The following RBFOX3 variants were observed in gnomAD, a reference collection of about 807,000 sequenced individuals.
RBFOX3 encodes the protein RNA binding fox-1 homolog 3, also known as RNA binding protein fox-1 homolog 3.
RBFOX3 carries 17 observed loss-of-function variants against 48.7 expected under a neutral mutation model. The ratio of observed to expected loss-of-function variants is 0.35; its 90% confidence interval spans 0.24 to 0.52. The LOEUF is 0.52. RBFOX3 is among the 20% of genes least tolerant of loss of function. The probability of loss-of-function intolerance (pLI) is 0.94; values close to 1 mark genes in which losing one functional copy is unlikely to be tolerated. For missense variants in RBFOX3, 382 were observed against 497.5 expected (o/e 0.77, Z 2.21); for synonymous variants, 212 against 209.5 (o/e 1.01, Z -0.10).
At chr17:79,610,642 C>A (rs2093951745) in intron 1 of RBFOX3, among the ~76,000 whole-genome samples, 184 bp downstream of exon 1, 1 of 151,990 alleles carries the variant, frequency 6.6e-6, no homozygotes, top group Admixed American at 6.5e-5. Context: ...CGCGCAGGGA[C>A]CCCTGACCCC....
chr17:79,187,872 C>T (rs191547408), intron 4 of RBFOX3, among the ~76,000 whole-genome samples: 181 of 151,848 alleles, frequency 1.2e-3, no homozygotes, highest in African/African-American at 4.1e-3. Context: ...GGTCAGGCTG[C>T]GGATGGGAAA....
Position 79,252,157 on chromosome 17 carries a change from G to T in RBFOX3, c.-73-16352C>A, listed in dbSNP as rs1168493260. 6.6e-6 allele frequency among the ~76,000 whole-genome samples: 1 copy of T among 152,140 alleles called. No individual in the cohort carries two copies. Among genetic ancestry groups the T allele is most frequent in the African/African-American group, 2.4e-5 (1 of 41,428 alleles). ...CCTTCCTCCTGCCTTTGCCTAGTGG[G>T]TAACTGGGCATTGCAGGGCCCCTTC... On this transcript the variant is annotated intron_variant, in intron 3 of 14. Coordinates refer to ENST00000693108, the MANE Select transcript of RBFOX3 (RefSeq NM_001350451.2). This position sits in a 1 kb window ranked among gnomAD's most constrained non-coding sequence, Gnocchi z 4.0.
intron 1 of RBFOX3, among the ~76,000 whole-genome samples, chr17:79,517,444 C>CAAAAAAAA (rs1231600861): frequency 1.1e-5 from 1 of 94,968 alleles, no homozygotes; most frequent in Non-Finnish European, 2.1e-5. Context: ...GAGTCTGTCT[C>CAAAAAAAA]AAAAAAAAAA....
At chr17:79,170,273 C>G (rs1190571753) in intron 4 of RBFOX3, among the ~76,000 whole-genome samples, 2 of 152,098 alleles carry the variant, frequency 1.3e-5, no homozygotes, top group African/African-American at 2.4e-5. Flanking sequence ...GTCCAGCTTC[C>G]AGGAGGGCCA....
chr17:79,468,968 A>G (rs2076703696), intron 2 of RBFOX3, among the ~76,000 whole-genome samples: 1 of 150,974 alleles, frequency 6.6e-6, no homozygotes. Context: ...GGATGGATGG[A>G]TGGATGGATG....
chr17:79,228,030 A>T (rs540218529), intron 4 of RBFOX3, among the ~76,000 whole-genome samples: 1 of 152,238 alleles, frequency 6.6e-6, no homozygotes, highest in South Asian at 2.1e-4. Flanking sequence ...GGTCAGAAGG[A>T]CCCAGGTGTG....
intron 1 of RBFOX3, among the ~76,000 whole-genome samples, chr17:79,607,718 G>T (rs2093866400): frequency 6.6e-6 from 1 of 152,206 alleles, no homozygotes; most frequent in African/African-American, 2.4e-5. Context: ...GGCGCCTTAG[G>T]CCAGGGCTGA....
chr17:79,159,923 T>C (rs2046621623), intron 4 of RBFOX3, among the ~76,000 whole-genome samples: 1 of 152,024 alleles, frequency 6.6e-6, no homozygotes, highest in African/African-American at 2.4e-5. Context: ...GTCCGCCGAG[T>C]GTTCCAGCGT....
chr17:79,191,399 C>CGCAAG (rs1303306684), intron 4 of RBFOX3, among the ~76,000 whole-genome samples: 1 of 152,214 alleles, frequency 6.6e-6, no homozygotes, highest in Non-Finnish European at 1.5e-5. Flanking sequence ...AAAAAGCAAC[C>CGCAAG]GCAAGGCCTC....
chr17:79,427,378 C>T (rs574191967), intron 2 of RBFOX3, among the ~76,000 whole-genome samples: 2 of 152,198 alleles, frequency 1.3e-5, no homozygotes, highest in Non-Finnish European at 1.5e-5. Flanking sequence ...GTTGGGCTGG[C>T]GGGAAGCACC....
rs1245249402 is a variant in RBFOX3 at position 79,361,905 on chromosome 17, T to C, written c.-174-54081A>G. On this transcript the variant is annotated intron_variant, in intron 2 of 14. Coordinates refer to ENST00000693108, the MANE Select transcript of RBFOX3 (RefSeq NM_001350451.2). The surrounding 1 kb of genome is among the most constrained non-coding windows in gnomAD (Gnocchi z 4.5). ...CTTTATTTGTTCATTAAAACTTCAA[T>C]AAAAATGTTATAAAAATGTCTTATT... Among the ~76,000 whole-genome samples the C allele has an allele frequency of 2.0e-5, 3 of 152,238 alleles. No individual in the cohort carries two copies. In the East Asian group the frequency reaches 5.8e-4, roughly 29 times the overall value.
intron 4 of RBFOX3, among the ~76,000 whole-genome samples, chr17:79,138,836 C>T (rs867214578): frequency 3.7e-4 from 51 of 136,962 alleles, no homozygotes; most frequent in East Asian, 6.7e-4. Flanking sequence ...CACCCACACA[C>T]ATGCACACAG....
chr17:79,155,246 C>A (rs148310670), intron 4 of RBFOX3, among the ~76,000 whole-genome samples: 1 of 152,188 alleles, frequency 6.6e-6, no homozygotes, highest in Non-Finnish European at 1.5e-5. Context: ...GCTGCCAGGG[C>A]GCTGCTCAGA....
Position 79,312,726 on chromosome 17 carries a change from G to A in RBFOX3, c.-174-4902C>T, listed in dbSNP as rs116596836. Among the ~76,000 whole-genome samples the A allele has an allele frequency of 5.5e-3, 843 of 152,314 alleles. 8 individuals carry two copies. Among genetic ancestry groups the A allele is most frequent in the African/African-American group, 0.019 (786 of 41,560 alleles). Reference sequence around the variant, plus strand: ...ACATAAAAAGACCTCAGGGGTCTCTGGAGTTCATGCACTTAAGATTTTATT... The same window carrying A: ...ACATAAAAAGACCTCAGGGGTCTCTAGAGTTCATGCACTTAAGATTTTATT... On this transcript the variant is annotated intron_variant, in intron 2 of 14. Transcript: ENST00000693108.
intron 2 of RBFOX3, among the ~76,000 whole-genome samples, chr17:79,460,433 C>A (rs1235884070): frequency 6.6e-6 from 1 of 152,174 alleles, no homozygotes; most frequent in African/African-American, 2.4e-5. Flanking sequence ...TCAAGCTCAT[C>A]AGGTCTAGCT....
At chr17:79,637,228 C>G in the RBFOX3 span, among the ~76,000 whole-genome samples, 1 of 152,128 alleles carries the variant, frequency 6.6e-6, no homozygotes, top group African/African-American at 2.4e-5. Context: ...ATCTCACTCT[C>G]TATAGTGGAC....
chr17:79,436,347 G>T (rs1344217010), intron 2 of RBFOX3, among the ~76,000 whole-genome samples: 1 of 152,264 alleles, frequency 6.6e-6, no homozygotes, highest in African/African-American at 2.4e-5. Context: ...ACATACTTGG[G>T]TGCAGCTGGA....
intron 5 of RBFOX3, 141 bp downstream of exon 5, chr17:79,115,353 G>GCCTGCCCTCCACACACAGAGGC: frequency 2.2e-6 from 1 of 463,532 alleles, no homozygotes; most frequent in Non-Finnish European, 3.5e-6. Context: ...CCCGTAAAAG[G>GCCTGCCCTCCACACACAGAGGC]CCTGCCCTCC....
intron 1 of RBFOX3, among the ~76,000 whole-genome samples, chr17:79,605,467 G>A (rs2093806558): frequency 1.3e-5 from 2 of 152,106 alleles, no homozygotes; most frequent in African/African-American, 4.8e-5. Flanking sequence ...AAGGCAGGGT[G>A]GGCTCACCTC....
Sources: gnomAD v4.1 joint callset for allele counts (sites outside exome capture counted in the v4.1 genomes callset) on GRCh38, gnomAD v4.1.1 for gene constraint, Gnocchi (gnomAD v3.1) non-coding constraint, MANE v1.5 for transcripts, NCBI Gene and HGNC (gene_info 2026-07-23, HGNC 2026-07-21) for gene names.